KIAA0513: variants seen among roughly 807,000 people sequenced by gnomAD.
KIAA0513 encodes the protein uncharacterized protein KIAA0513.
In KIAA0513, 39 loss-of-function variants were observed where a neutral mutation model predicts 56.5. The observed-to-expected ratio is 0.69, with a 90% confidence interval of 0.53 to 0.90. The LOEUF (loss-of-function observed/expected upper bound fraction) is 0.90. Ranked by LOEUF, KIAA0513 falls within the 40% of genes least tolerant of loss-of-function variation. The pLI is 0.00. For synonymous variants in KIAA0513, 268 were observed against 215.6 expected (o/e 1.24, Z -2.13); for missense variants, 591 against 535.2 (o/e 1.10, Z -1.03).
intron 1 of KIAA0513, among the ~76,000 whole-genome samples, chr16:85,047,820 C>G (rs1463242891): frequency 6.6e-6 from 1 of 152,110 alleles, no homozygotes; most frequent in Non-Finnish European, 1.5e-5. Flanking sequence ...CTGGGGATAC[C>G]AGGGTCAGGG....
Position 85,086,705 on chromosome 16 carries a change from A to C in KIAA0513, c.1072A>C (p.Ile358Leu), listed in dbSNP as rs141300148. The C allele has an allele frequency of 1.2e-6, 2 of 1,613,538 alleles. No individual in the cohort carries two copies. Among genetic ancestry groups the C allele is most frequent in the African/African-American group, 2.7e-5 (2 of 74,926 alleles). Residue 358 changes from isoleucine (I) to leucine (L), a missense_variant, in exon 11 of 13, where the codon ATC becomes CTC. Ile to Leu is a conservative substitution (Grantham distance 5). Transcript: ENST00000683363. ...RDDSLRFNENITFGQLGTFTH... is the reference protein window; with the variant it reads ...RDDSLRFNENLTFGQLGTFTH... ...CGACAGCCTCCGGTTCAACGAGAAC[A>C]TCACCTTCGGGCAGCTGGGGTAAGG...
chr16:85,035,584 G>A (rs573221905), intron 1 of KIAA0513, among the ~76,000 whole-genome samples: 32 of 152,096 alleles, frequency 2.1e-4, no homozygotes, highest in Non-Finnish European at 3.4e-4. Context: ...TTGATCTCCC[G>A]GGCTCCAGTG....
chr16:85,058,380 G>A (rs984310830), intron 1 of KIAA0513, among the ~76,000 whole-genome samples: 12 of 152,250 alleles, frequency 7.9e-5, no homozygotes, highest in African/African-American at 2.4e-4. Flanking sequence ...TTGGCCGGAC[G>A]CGTTGGCTCA....
At chr16:85,065,489 C>A (rs920250616) in intron 1 of KIAA0513, among the ~76,000 whole-genome samples, 1 of 152,204 alleles carries the variant, frequency 6.6e-6, no homozygotes, top group African/African-American at 2.4e-5. Flanking sequence ...CCTAGCACCA[C>A]GCTGGTGACC....
intron 1 of KIAA0513, among the ~76,000 whole-genome samples, chr16:85,033,916 T>G (rs959222157): frequency 6.6e-6 from 1 of 152,100 alleles, no homozygotes; most frequent in East Asian, 1.9e-4. Context: ...GTGGCATTAC[T>G]GCCCATTTCT....
At chr16:85,075,224 C>A (rs1274221051) in intron 4 of KIAA0513, among the ~76,000 whole-genome samples, 1 of 151,476 alleles carries the variant, frequency 6.6e-6, no homozygotes. Context: ...GCCTTTAATC[C>A]CACTGTCTAG....
At chr16:85,065,343 C>T (rs1453914531) in intron 1 of KIAA0513, among the ~76,000 whole-genome samples, 1 of 152,226 alleles carries the variant, frequency 6.6e-6, no homozygotes, top group Non-Finnish European at 1.5e-5. Flanking sequence ...CTCTCCAGGT[C>T]CCTGAGCTGT....
intron 1 of KIAA0513, among the ~76,000 whole-genome samples, chr16:85,060,299 C>T (rs956402091): frequency 5.3e-5 from 8 of 152,112 alleles, no homozygotes; most frequent in South Asian, 2.1e-4. Context: ...GACTCAAGGA[C>T]GAAGAGGTGC....
intron 1 of KIAA0513, among the ~76,000 whole-genome samples, chr16:85,045,981 C>G (rs1373223853): frequency 3.9e-5 from 6 of 152,102 alleles, no homozygotes; most frequent in African/African-American, 1.4e-4. Context: ...GGGACGACCA[C>G]CCGAGGAAGG....
intron 1 of KIAA0513, among the ~76,000 whole-genome samples, chr16:85,047,721 T>C (rs1168356786): frequency 6.6e-6 from 1 of 152,112 alleles, no homozygotes; most frequent in Non-Finnish European, 1.5e-5. Flanking sequence ...CAGAACCAGG[T>C]GACCCCTTTC....
chr16:85,061,270 C>T lies in KIAA0513; in HGVS notation c.-172-5630C>T, dbSNP rs144376239. Among the ~76,000 whole-genome samples, 851 of 152,242 alleles carry T rather than the reference C, an allele frequency of 5.6e-3. 10 individuals are homozygous for T. Among genetic ancestry groups the T allele is most frequent in the African/African-American group, 0.02 (814 of 41,540 alleles). On this transcript the variant is annotated intron_variant, in intron 1 of 12. Transcript: ENST00000683363. ...ATTCCTATCACAAGCCTTAATAATG[C>T]GCACACCCTTTGGCCAGCAATTCCA... is the stretch of plus-strand genomic sequence containing the variant.
chr16:85,083,018 A>C (rs1456578674), intron 10 of KIAA0513, among the ~76,000 whole-genome samples: 2 of 152,224 alleles, frequency 1.3e-5, no homozygotes, highest in Non-Finnish European at 2.9e-5. Flanking sequence ...ACACTGGAGA[A>C]GTGGGTCCCG....
chr16:85,067,785 T>A (rs2073509964), intron 2 of KIAA0513, among the ~76,000 whole-genome samples: 1 of 152,106 alleles, frequency 6.6e-6, no homozygotes, highest in Admixed American at 6.5e-5. Context: ...ATTATGTTCT[T>A]TTTGTTTATT....
intron 1 of KIAA0513, among the ~76,000 whole-genome samples, chr16:85,043,566 C>T (rs961986996): frequency 7.2e-5 from 11 of 151,968 alleles, no homozygotes; most frequent in African/African-American, 2.7e-4. Context: ...CGTGCGCCAC[C>T]ACACCCGACT....
In KIAA0513 at chr16:85,078,351, G is replaced by A. The variant is rs1597639698; in HGVS notation, c.783-64G>A. ...TCCCACCTTAGAAGTGTAGAACAGCGTCTTTGAGTTGAGAAAGTGTGGTGT... is the reference window on the plus strand; with the variant it reads ...TCCCACCTTAGAAGTGTAGAACAGCATCTTTGAGTTGAGAAAGTGTGGTGT... On this transcript the variant is annotated intron_variant, in intron 6 of 12. Transcript: ENST00000683363. 14 of 1,577,874 alleles carry A rather than the reference G, an allele frequency of 8.9e-6. 1 individual carries two copies. Among genetic ancestry groups the A allele is most frequent in the Admixed American group, 6.7e-5 (4 of 59,574 alleles).
chr16:85,082,478 C>T (rs1346883350), intron 9 of KIAA0513, 86 bp from the exon 10 acceptor site: 2 of 1,322,752 alleles, frequency 1.5e-6, no homozygotes, highest in African/African-American at 1.4e-5. Flanking sequence ...TAATAACCCT[C>T]CTCTGCTTGT....
chr16:85,028,954 C>G (rs1310684268), intron 1 of KIAA0513, among the ~76,000 whole-genome samples: 2 of 152,202 alleles, frequency 1.3e-5, no homozygotes, highest in African/African-American at 4.8e-5. Flanking sequence ...ATCCTCCTCC[C>G]TCAGCCTAAA....
chr16:85,032,847 G>A (rs1353217516), intron 1 of KIAA0513, among the ~76,000 whole-genome samples: 2 of 152,044 alleles, frequency 1.3e-5, no homozygotes, highest in Non-Finnish European at 2.9e-5. Flanking sequence ...AGCCAGGATG[G>A]TCTTAATCTC....
rs751352107 is a variant in KIAA0513 at position 85,081,627 on chromosome 16, T to C, written c.980+235T>C. ...CCTGGGGCTCTGGCATGACTTGGCCTGACCCTCCTAAAAATGCAAACTCCC... is the reference window on the plus strand; with the variant it reads ...CCTGGGGCTCTGGCATGACTTGGCCCGACCCTCCTAAAAATGCAAACTCCC... On this transcript the variant is annotated intron_variant, in intron 9 of 12. Transcript: ENST00000683363. The surrounding 1 kb of genome is among the most constrained non-coding windows in gnomAD (Gnocchi z 4.4). Among the ~76,000 whole-genome samples, 1 of 152,162 alleles carries C rather than the reference T, an allele frequency of 6.6e-6. No individual in the cohort carries two copies. The highest frequency in any genetic ancestry group is 1.5e-5 in the Non-Finnish European group (1 of 68,024).
Sources: allele counts gnomAD v4.1 joint callset (sites outside exome capture counted in the v4.1 genomes callset), GRCh38; gene constraint gnomAD v4.1.1; non-coding constraint Gnocchi (gnomAD v3.1); transcripts MANE v1.5; gene names NCBI Gene and HGNC (gene_info 2026-07-23, HGNC 2026-07-21).